RMND1: variants seen among roughly 807,000 people sequenced by gnomAD.
RMND1 encodes required for meiotic nuclear division 1 homolog, also known as required for meiotic nuclear division protein 1 homolog.
RMND1 carries 41 observed loss-of-function variants against 54.0 expected under a neutral mutation model. The ratio of observed to expected loss-of-function variants is 0.76; its 90% CI spans 0.59 to 0.98. The LOEUF (loss-of-function observed/expected upper bound fraction) is 0.98, where lower values mean the gene tolerates loss of function less well. Among genes scored for constraint, RMND1 ranks in the 50% least tolerant of loss-of-function variants. The probability of loss-of-function intolerance (pLI) is 0.00; values close to 1 mark genes in which losing one functional copy is unlikely to be tolerated. For missense variants in RMND1, 457 were observed against 532.0 expected, an observed-to-expected ratio of 0.86 and a Z score of 1.39; for synonymous variants, 183 against 181.7, an observed-to-expected ratio of 1.01 and a Z score of -0.06.
intron 2 of RMND1, among the ~76,000 whole-genome samples, chr6:151,444,221 G>T (rs3800277): frequency 0.22 from 33,625 of 152,058 alleles, 4,144 homozygotes; most frequent in African/African-American, 0.34. Context: ...CTTTTTTGGA[G>T]CTGCCATGAA....
intron 10 of RMND1, 110 bp from the exon 11 acceptor site, chr6:151,405,946 A>G (rs1205164751): frequency 3.8e-6 from 2 of 530,606 alleles, no homozygotes; most frequent in Non-Finnish European, 3.4e-6. Flanking sequence ...TCCTCTCCCC[A>G]AAGGCAGCCA....
intron 2 of RMND1, among the ~76,000 whole-genome samples, chr6:151,439,721 G>A (rs1198894773): frequency 6.6e-6 from 1 of 152,174 alleles, no homozygotes; most frequent in Non-Finnish European, 1.5e-5. Context: ...GTGCAATGGT[G>A]CAATCTTGGC....
At chr6:151,437,277 T>G (rs1024212044) in intron 2 of RMND1, among the ~76,000 whole-genome samples, 2 of 152,204 alleles carry the variant, frequency 1.3e-5, no homozygotes, top group Non-Finnish European at 2.9e-5. Context: ...TAAAACTAAA[T>G]AGAAAATATT....
At chr6:151,439,956 G>A (rs899940786) in intron 2 of RMND1, among the ~76,000 whole-genome samples, 2 of 151,292 alleles carry the variant, frequency 1.3e-5, no homozygotes, top group South Asian at 2.1e-4. Flanking sequence ...GACCGCACCC[G>A]GCCTATTTAT....
chr6:151,422,246 T>C (rs1320561565), intron 8 of RMND1, among the ~76,000 whole-genome samples: 2 of 151,574 alleles, frequency 1.3e-5, no homozygotes, highest in African/African-American at 4.9e-5. Flanking sequence ...TTCTTGTTAT[T>C]ATTTCCTAAA....
intron 7 of RMND1, among the ~76,000 whole-genome samples, chr6:151,423,136 C>A (rs562770427): frequency 1.3e-5 from 2 of 152,276 alleles, no homozygotes; most frequent in South Asian, 2.1e-4. Flanking sequence ...GACTCTGGGT[C>A]CCATTCCTAT....
At chr6:151,439,049 G>C (rs1239034946) in intron 2 of RMND1, among the ~76,000 whole-genome samples, 1 of 152,144 alleles carries the variant, frequency 6.6e-6, no homozygotes, top group East Asian at 1.9e-4. Flanking sequence ...AGGAGGCCGA[G>C]GTTGCAGTGA....
In RMND1 at chr6:151,449,060, CAAAAAAAAAAAA is replaced by C. The variant is rs71014585; in HGVS notation, c.-15+2944_-15+2955del. ...TGAGCAACAAAGCGAGACTCTGTCT[CAAAAAAAAAAAA>C]AAAAAAAAAAAAAAAGCCTGGCGCG... On this transcript the variant is annotated intron_variant, in intron 1 of 11. Coordinates refer to ENST00000444024, the MANE Select transcript of RMND1 (RefSeq NM_017909.4). Among the ~76,000 whole-genome samples, 8 of 18,678 alleles carry C rather than the reference CAAAAAAAAAAAA, an allele frequency of 4.3e-4. No individual in the cohort carries two copies. The South Asian group carries it at 8.5e-3, about 20-fold the overall frequency. The allele number at this position is 18,678 out of a possible 152,430, so 12.3% of individuals were successfully genotyped here. A position where few individuals can be genotyped will look rare whatever the true frequency, so the allele number is the denominator to read the frequency against.
chr6:151,451,077 G>A (rs1236387840), intron 1 of RMND1, among the ~76,000 whole-genome samples: 2 of 151,868 alleles, frequency 1.3e-5, no homozygotes, highest in African/African-American at 4.8e-5. Flanking sequence ...AAGGCCGCAG[G>A]GTCCTCTGCC....
rs761296300 is a variant in RMND1, at chr6:151,430,102, A to G, written c.729+36T>C. On this transcript the variant is annotated intron_variant, in intron 5 of 11. Coordinates refer to ENST00000444024, the MANE Select transcript of RMND1 (RefSeq NM_017909.4). Reference sequence around the variant, plus strand: ...ATTAACAATTCATTCTCACAAAACTAAATTTTTATATTTTCACATTTTTAT... The same window carrying G: ...ATTAACAATTCATTCTCACAAAACTGAATTTTTATATTTTCACATTTTTAT... The G allele has an allele frequency of 1.1e-5, 15 of 1,421,198 alleles. No individual in the cohort carries two copies. In the South Asian group the frequency reaches 1.7e-4, roughly 16 times the overall value. 88.0% of individuals were successfully genotyped at this position (1,421,198 alleles called of 1,614,324 possible).
chr6:151,418,644 C>G (rs1251725779), intron 9 of RMND1: 1 of 152,118 alleles, frequency 6.6e-6, no homozygotes. Flanking sequence ...TTATCTGTAT[C>G]TTTCCCTATC....
At chr6:151,444,479 G>T (rs1232244884) in intron 2 of RMND1, 1 of 152,140 alleles carries the variant, frequency 6.6e-6, no homozygotes, top group African/African-American at 2.4e-5. Context: ...TCCAAGGGGT[G>T]TCAGCTGCAC....
intron 1 of RMND1, among the ~76,000 whole-genome samples, chr6:151,446,588 T>C (rs1562801605): frequency 1.3e-5 from 2 of 151,898 alleles, no homozygotes; most frequent in South Asian, 2.1e-4. Flanking sequence ...ATTTACAGTA[T>C]GAAATGTGTT....
At chr6:151,449,661 A>C (rs71549125) in intron 1 of RMND1, among the ~76,000 whole-genome samples, 53,570 of 148,874 alleles carry the variant, frequency 0.36, 9,719 homozygotes, top group East Asian at 0.6. Context: ...CCCTCTCCCC[A>C]CGGTCCCCCT....
intron 3 of RMND1, 127 bp downstream of exon 3, chr6:151,436,319 T>A (rs180806884): frequency 2.1e-4 from 213 of 1,006,086 alleles, no homozygotes; most frequent in Admixed American, 2.0e-3. Context: ...AGATTCAACA[T>A]CCACTTTTAT....
At chr6:151,448,085 G>A (rs557523623) in intron 1 of RMND1, among the ~76,000 whole-genome samples, 129 of 152,002 alleles carry the variant, frequency 8.5e-4, no homozygotes, top group Middle Eastern at 3.4e-3. Flanking sequence ...TAAAGTGTTG[G>A]GATTACAGGC....
chr6:151,408,856 A>G (rs1209196847), intron 10 of RMND1: 1 of 152,222 alleles, frequency 6.6e-6, no homozygotes, highest in East Asian at 1.9e-4. Flanking sequence ...GCAGTCTCCA[A>G]AGAGGAATCA....
At chr6:151,443,180 C>G (rs1221104852) in intron 2 of RMND1, among the ~76,000 whole-genome samples, 4 of 152,126 alleles carry the variant, frequency 2.6e-5, no homozygotes, top group Non-Finnish European at 5.9e-5. Context: ...CAATTTCGGG[C>G]AGAGGAAAGT....
chr6:151,407,397 C>T (rs944113594), intron 10 of RMND1, among the ~76,000 whole-genome samples: 1 of 152,130 alleles, frequency 6.6e-6, no homozygotes, highest in Non-Finnish European at 1.5e-5. Context: ...GCTTGCTTCT[C>T]TCTTCAGACT....
Sources: allele counts gnomAD v4.1 joint callset (sites outside exome capture counted in the v4.1 genomes callset), GRCh38; gene constraint gnomAD v4.1.1; transcripts MANE v1.5; gene names NCBI Gene and HGNC (gene_info 2026-07-23, HGNC 2026-07-21).